GPATCH2: variants seen among roughly 807,000 people sequenced by gnomAD.
GPATCH2 encodes G patch domain-containing protein 2.
Under a neutral mutation model 58.0 loss-of-function variants are expected in GPATCH2, and 51 were observed. The observed-to-expected ratio is 0.88, with a 90% CI of 0.70 to 1.11. GPATCH2 has a LOEUF of 1.11. Among genes scored for constraint, GPATCH2 ranks in the 50% most tolerant of loss-of-function variants. The pLI is 0.00. For synonymous variants in GPATCH2, 222 were observed against 218.5 expected (o/e 1.02, Z -0.14); for missense variants, 625 against 652.2 (o/e 0.96, Z 0.45).
chr1:217,485,001 T>C (rs892882574), intron 8 of GPATCH2, among the ~76,000 whole-genome samples: 1 of 152,138 alleles, frequency 6.6e-6, no homozygotes, highest in Non-Finnish European at 1.5e-5. Context: ...TAAATATATT[T>C]ACTATAGAAA....
At chr1:217,434,204 C>G (rs1055954197) in intron 9 of GPATCH2, among the ~76,000 whole-genome samples, 12 of 152,122 alleles carry the variant, frequency 7.9e-5, no homozygotes, top group African/African-American at 2.9e-4. Flanking sequence ...AAATTCTTGA[C>G]TAAAATTATT....
chr1:217,513,480 C>A (rs893418228), intron 6 of GPATCH2, among the ~76,000 whole-genome samples: 7 of 152,060 alleles, frequency 4.6e-5, no homozygotes, highest in Middle Eastern at 3.2e-3. Context: ...TGATTGCTTG[C>A]CACAAAAAAT....
At chr1:217,584,900 C>T (rs1025083742) in intron 5 of GPATCH2, among the ~76,000 whole-genome samples, 8 of 151,724 alleles carry the variant, frequency 5.3e-5, no homozygotes, top group African/African-American at 1.9e-4. Context: ...CAACCGTATG[C>T]TGTCTACAAA....
At chr1:217,596,675 C>A (rs1455665948) in intron 5 of GPATCH2, among the ~76,000 whole-genome samples, 1 of 151,866 alleles carries the variant, frequency 6.6e-6, no homozygotes, top group Non-Finnish European at 1.5e-5. Flanking sequence ...TATTATACTG[C>A]CAAACGAATG....
At position 217,611,089 on chromosome 1, in the gene GPATCH2, A is replaced by ACCC; in HGVS notation, c.836-21_836-19dup. The stretch of plus-strand genomic sequence containing the variant: ...ATCATCACCTGTGCAAATACAAGAA[A>ACCC]CCCCCCCCCACCAAAGACTCAGTTT... On this transcript the variant is annotated intron_variant, in intron 3 of 9. Coordinates refer to ENST00000366935, the MANE Select transcript of GPATCH2 (RefSeq NM_018040.5). 2 of 1,530,752 alleles carry ACCC rather than the reference A, an allele frequency of 1.3e-6. No homozygotes were observed. Among genetic ancestry groups the ACCC allele is most frequent in the Non-Finnish European group, 1.8e-6 (2 of 1,127,646 alleles). 94.8% of individuals were successfully genotyped at this position (1,530,752 alleles called of 1,614,324 possible).
chr1:217,507,732 A>G (rs1016296842), intron 6 of GPATCH2, among the ~76,000 whole-genome samples: 1 of 152,184 alleles, frequency 6.6e-6, no homozygotes, highest in Non-Finnish European at 1.5e-5. Flanking sequence ...TCTATAAAGA[A>G]ACAAGTGCTA....
intron 5 of GPATCH2, among the ~76,000 whole-genome samples, chr1:217,533,550 G>A (rs1664311442): frequency 6.6e-6 from 1 of 152,218 alleles, no homozygotes; most frequent in Admixed American, 6.5e-5. Flanking sequence ...TCATCCAAGT[G>A]TGGTTCTCAG....
chr1:217,517,206 A>C lies in GPATCH2; in HGVS notation c.1099-2317T>G, dbSNP rs1247041568. 3.9e-5 allele frequency among the ~76,000 whole-genome samples: 6 copies of C among 152,218 alleles called. No homozygotes were observed. In the East Asian group the frequency reaches 1.2e-3, roughly 29 times the overall value. ...ATAATTTTACCTATTTACCTAGTACATGATCCCTTTAAGAAAACAGAGGTG... is the reference window on the plus strand; with the variant it reads ...ATAATTTTACCTATTTACCTAGTACCTGATCCCTTTAAGAAAACAGAGGTG... On this transcript the variant is annotated intron_variant, in intron 5 of 9. Coordinates refer to ENST00000366935, the MANE Select transcript of GPATCH2 (RefSeq NM_018040.5).
intron 5 of GPATCH2, among the ~76,000 whole-genome samples, chr1:217,588,695 T>A (rs1247188831): frequency 3.9e-5 from 6 of 152,182 alleles, no homozygotes; most frequent in Non-Finnish European, 8.8e-5. Context: ...TCATCATTCA[T>A]GCAAACCAAT....
chr1:217,603,827 T>C (rs1226315522), intron 5 of GPATCH2, among the ~76,000 whole-genome samples: 1 of 151,970 alleles, frequency 6.6e-6, no homozygotes, highest in Non-Finnish European at 1.5e-5. Flanking sequence ...TTCACCATGT[T>C]GGCCAGGCTG....
intron 5 of GPATCH2, among the ~76,000 whole-genome samples, chr1:217,519,209 C>T (rs1301980958): frequency 2.6e-5 from 4 of 152,036 alleles, no homozygotes; most frequent in South Asian, 2.1e-4. Context: ...TTTATATTGG[C>T]GTTTTATAAG....
chr1:217,538,528 C>T lies in GPATCH2; in HGVS notation c.1099-23639G>A, dbSNP rs59617629. 6.6e-3 allele frequency among the ~76,000 whole-genome samples: 1,010 copies of T among 152,178 alleles called. 7 individuals are homozygous for T. Among genetic ancestry groups the T allele is most frequent in the African/African-American group, 0.023 (945 of 41,510 alleles). ...AAAATAATATGTAATTACATTTTCC[C>T]ATTTGCAGATACATGAAGGTCTCAG... On this transcript the variant is annotated intron_variant, in intron 5 of 9. Coordinates refer to ENST00000366935, the MANE Select transcript of GPATCH2 (RefSeq NM_018040.5).
chr1:217,483,439 C>T (rs1661307558), intron 8 of GPATCH2, among the ~76,000 whole-genome samples: 1 of 152,106 alleles, frequency 6.6e-6, no homozygotes, highest in Non-Finnish European at 1.5e-5. Context: ...CCCACCTTGG[C>T]CTCCCAAAGT....
At chr1:217,469,516 A>C (rs1660624283) in intron 8 of GPATCH2, among the ~76,000 whole-genome samples, 1 of 152,176 alleles carries the variant, frequency 6.6e-6, no homozygotes, top group Non-Finnish European at 1.5e-5. Context: ...GATTATAAAG[A>C]AATTGATTCT....
chr1:217,593,747 C>A (rs1322897337), intron 5 of GPATCH2, among the ~76,000 whole-genome samples: 2 of 151,902 alleles, frequency 1.3e-5, no homozygotes, highest in Non-Finnish European at 2.9e-5. Flanking sequence ...ATGTTTTCGG[C>A]AATCTGTAAT....
chr1:217,511,841 T>G (rs12753108), intron 6 of GPATCH2, among the ~76,000 whole-genome samples: 7 of 131,696 alleles, frequency 5.3e-5, no homozygotes, highest in South Asian at 2.6e-4. Context: ...GTGTGTGTGT[T>G]TGTGTCTATA....
At chr1:217,555,501 A>G (rs770812544) in intron 5 of GPATCH2, among the ~76,000 whole-genome samples, 4 of 152,146 alleles carry the variant, frequency 2.6e-5, no homozygotes, top group Non-Finnish European at 4.4e-5. Flanking sequence ...TAATTTTACT[A>G]TTATAGGTTT....
intron 6 of GPATCH2, among the ~76,000 whole-genome samples, chr1:217,509,690 C>A (rs1662742769): frequency 6.6e-6 from 1 of 152,086 alleles, no homozygotes; most frequent in Non-Finnish European, 1.5e-5. Flanking sequence ...CATCACTAGC[C>A]AGCAGTAGAA....
At chr1:217,518,718 G>A (rs1455940319) in intron 5 of GPATCH2, among the ~76,000 whole-genome samples, 1 of 152,144 alleles carries the variant, frequency 6.6e-6, no homozygotes, top group African/African-American at 2.4e-5. Flanking sequence ...ATGTCCACAC[G>A]TAAGAACAAG....
Sources: allele counts gnomAD v4.1 joint callset (sites outside exome capture counted in the v4.1 genomes callset), GRCh38; gene constraint gnomAD v4.1.1; transcripts MANE v1.5; gene names NCBI Gene and HGNC (gene_info 2026-07-23, HGNC 2026-07-21).